Variants in ZNF536 observed in about 807,000 individuals in gnomAD.
ZNF536 encodes zinc finger protein 536.
ZNF536 carries 13 observed loss-of-function variants against 84.5 expected under a neutral mutation model. The ratio of observed to expected loss-of-function variants is 0.15; its 90% CI spans 0.10 to 0.24. The LOEUF (loss-of-function observed/expected upper bound fraction) is 0.24. Among genes scored for constraint, ZNF536 ranks in the 10% least tolerant of loss-of-function variants. The pLI is 1.00. For missense variants in ZNF536, 1,536 were observed against 1,747.5 expected, an observed-to-expected ratio of 0.88 and a Z score of 2.16; for synonymous variants, 811 against 742.5, an observed-to-expected ratio of 1.09 and a Z score of -1.50.
intron 1 of ZNF536, among the ~76,000 whole-genome samples, chr19:30,678,563 A>G (rs1348462030): frequency 1.3e-5 from 2 of 152,170 alleles, no homozygotes; most frequent in Non-Finnish European, 2.9e-5. Flanking sequence ...CTTGACAGAC[A>G]TGGTGGGAAC....
intron 2 of ZNF536, among the ~76,000 whole-genome samples, chr19:30,446,042 A>G (rs2052317792): frequency 6.6e-6 from 1 of 151,950 alleles, no homozygotes; most frequent in Non-Finnish European, 1.5e-5. Flanking sequence ...GAGGCCAGGG[A>G]TTCGAGGCCA....
chr19:30,623,015 C>A (rs1159427374), intron 1 of ZNF536, among the ~76,000 whole-genome samples: 1 of 123,888 alleles, frequency 8.1e-6, no homozygotes, highest in Non-Finnish European at 1.7e-5. Flanking sequence ...AGCTAAAAAT[C>A]TTGTGTTTTT....
chr19:30,619,201 T>C (rs2048399580), intron 1 of ZNF536, among the ~76,000 whole-genome samples: 1 of 151,954 alleles, frequency 6.6e-6, no homozygotes, highest in African/African-American at 2.4e-5. Flanking sequence ...TTGCTTATCT[T>C]TTTTTTTCTG....
At chr19:30,423,948 A>G (rs1038585768) in intron 1 of ZNF536, among the ~76,000 whole-genome samples, 3 of 152,102 alleles carry the variant, frequency 2.0e-5, no homozygotes, top group African/African-American at 7.2e-5. Flanking sequence ...TGGTGTCTTG[A>G]AAAAAAGACA....
chr19:30,526,163 C>T (rs961663687), intron 2 of ZNF536, among the ~76,000 whole-genome samples: 2 of 152,204 alleles, frequency 1.3e-5, no homozygotes, highest in African/African-American at 4.8e-5. Context: ...CCCAAAGAGA[C>T]ATGTCACACC....
intron 2 of ZNF536, among the ~76,000 whole-genome samples, chr19:30,289,430 C>G (rs1161851160): frequency 1.3e-5 from 2 of 152,262 alleles, no homozygotes; most frequent in Non-Finnish European, 2.9e-5. Flanking sequence ...GACAAGATCA[C>G]TGACCACTCC....
chr19:30,710,611 G>A (rs766586288), intron 1 of ZNF536: 25 of 152,148 alleles, frequency 1.6e-4, no homozygotes, highest in South Asian at 8.3e-4. Flanking sequence ...CTGATGTATC[G>A]GCTGCTTTTC....
At chr19:30,347,682 A>C (rs1224692347) in intron 2 of ZNF536, among the ~76,000 whole-genome samples, 1 of 152,162 alleles carries the variant, frequency 6.6e-6, no homozygotes, top group Non-Finnish European at 1.5e-5. Context: ...GTAGGATTGC[A>C]CTGAGGTATA....
At chr19:30,621,314 G>A (rs1264091763) in intron 1 of ZNF536, among the ~76,000 whole-genome samples, 7 of 152,018 alleles carry the variant, frequency 4.6e-5, no homozygotes, top group Admixed American at 1.3e-4. Context: ...TGCTTCGAAG[G>A]TCTTTCTGGA....
chr19:30,238,113 A>C (rs1388213276), intron 1 of ZNF536, among the ~76,000 whole-genome samples: 1 of 152,242 alleles, frequency 6.6e-6, no homozygotes, highest in Non-Finnish European at 1.5e-5. Flanking sequence ...GAGACCAGCT[A>C]TTCAATGAAT....
intron 1 of ZNF536, among the ~76,000 whole-genome samples, chr19:30,628,781 C>T (rs1471760345): frequency 1.3e-5 from 2 of 152,182 alleles, no homozygotes; most frequent in South Asian, 4.2e-4. Flanking sequence ...TCACTGCAAC[C>T]TCCACCTCCT....
intron 1 of ZNF536, among the ~76,000 whole-genome samples, chr19:30,283,880 T>G (rs1456500188): frequency 6.6e-6 from 1 of 152,172 alleles, no homozygotes; most frequent in Non-Finnish European, 1.5e-5. Context: ...GGAAATTTGG[T>G]TCATTGCAGC....
At chr19:30,270,157 T>C (rs1359954513) in intron 1 of ZNF536, among the ~76,000 whole-genome samples, 1 of 152,214 alleles carries the variant, frequency 6.6e-6, no homozygotes, top group Non-Finnish European at 1.5e-5. Context: ...GTGACAACTA[T>C]GTGTGAAAAC....
intron 2 of ZNF536, among the ~76,000 whole-genome samples, chr19:30,310,195 G>A (rs1036835173): frequency 2.0e-5 from 3 of 152,142 alleles, no homozygotes; most frequent in East Asian, 1.9e-4. Flanking sequence ...ATGAAGGTAC[G>A]CCAGCCCCGC....
At chr19:30,708,974 C>T (rs750591339) in intron 1 of ZNF536, among the ~76,000 whole-genome samples, 1 of 152,142 alleles carries the variant, frequency 6.6e-6, no homozygotes, top group South Asian at 2.1e-4. Flanking sequence ...CAGCTCTGGG[C>T]CCTGACCTCT....
chr19:30,326,196 G>A (rs2047017673), intron 2 of ZNF536, among the ~76,000 whole-genome samples: 1 of 152,224 alleles, frequency 6.6e-6, no homozygotes, highest in African/African-American at 2.4e-5. Flanking sequence ...GAAGAGGCTT[G>A]GCAAAGAGGG....
At chr19:30,450,075 A>ATT (rs34039352) in intron 2 of ZNF536, among the ~76,000 whole-genome samples, 55,519 of 131,542 alleles carry the variant, frequency 0.42, 12,237 homozygotes, top group Non-Finnish European at 0.5. Flanking sequence ...TAAGATCTTC[A>ATT]TTTTTTTTTT....
At chr19:30,303,372 G>A (rs914488411) in intron 2 of ZNF536, among the ~76,000 whole-genome samples, 1 of 152,364 alleles carries the variant, frequency 6.6e-6, no homozygotes, top group South Asian at 2.1e-4. Flanking sequence ...GGCAGTGCGG[G>A]AGGTGCAGGG....
chr19:30,233,303 T>C (rs1478658563), intron 1 of ZNF536, among the ~76,000 whole-genome samples: 1 of 151,326 alleles, frequency 6.6e-6, no homozygotes, highest in Non-Finnish European at 1.5e-5. Context: ...TCTGAGTGAG[T>C]TGAGGCTGGG....
Sources: allele counts gnomAD v4.1 joint callset (sites outside exome capture counted in the v4.1 genomes callset), GRCh38; gene constraint gnomAD v4.1.1; transcripts MANE v1.5; gene names NCBI Gene and HGNC (gene_info 2026-07-23, HGNC 2026-07-21).